ANTXRL: variants seen among roughly 807,000 people sequenced by gnomAD.
ANTXRL encodes the protein ANTXR like.
ANTXRL carries 63 observed loss-of-function variants against 75.4 expected under a neutral mutation model. The ratio of observed to expected loss-of-function variants is 0.84; its 90% CI spans 0.68 to 1.03. The LOEUF (loss-of-function observed/expected upper bound fraction) is 1.03, where lower values mean the gene tolerates loss of function less well. Ranked by LOEUF, ANTXRL falls within the 50% of genes least tolerant of loss-of-function variation. The probability of loss-of-function intolerance (pLI) is 0.00; values close to 1 mark genes in which losing one functional copy is unlikely to be tolerated. For synonymous variants in ANTXRL, 335 were observed against 291.3 expected, an observed-to-expected ratio of 1.15 and a Z score of -1.53; for missense variants, 797 against 789.4, an observed-to-expected ratio of 1.01 and a Z score of -0.12.
At chr10:46,309,087 C>A in intron 12 of ANTXRL, 26 bp from the exon 13 acceptor site, 1 of 1,535,536 alleles carries the variant, frequency 6.5e-7, no homozygotes, top group Non-Finnish European at 8.7e-7. Flanking sequence ...CCGAGGCCCT[C>A]CTATGGTGCT....
chr10:46,296,142 C>T (rs1285466900), intron 4 of ANTXRL, 42 bp downstream of exon 4: 2 of 1,534,488 alleles, frequency 1.3e-6, no homozygotes, highest in Admixed American at 3.9e-5. Flanking sequence ...CTAACCCTAA[C>T]CCTAACCTAC....
chr10:46,289,360 C>T (rs145844012), intron 1 of ANTXRL, among the ~76,000 whole-genome samples: 8 of 152,252 alleles, frequency 5.3e-5, no homozygotes, highest in Non-Finnish European at 1.0e-4. Context: ...TACAATTCAG[C>T]GGCATTAAGT....
Position 46,306,706 on chromosome 10 carries a change from G to T in ANTXRL, c.896-97G>T. ...AAGGCAGAGCCCACATGCCGGTCCT[G>T]GGCCACAGGGTCAGCCCTGCATGCT... is the stretch of plus-strand genomic sequence containing the variant. On this transcript the variant is annotated intron_variant, in intron 10 of 16. Coordinates refer to ENST00000620264, the MANE Select transcript of ANTXRL (RefSeq NM_001278688.3). The T allele has an allele frequency of 5.5e-6, 6 of 1,095,056 alleles. 1 individual carries two copies. The South Asian group carries it at 6.8e-5, about 12-fold the overall frequency. 67.8% of individuals were successfully genotyped at this position (1,095,056 alleles called of 1,614,324 possible).
chr10:46,294,861 A>G (rs1464211728), intron 3 of ANTXRL, among the ~76,000 whole-genome samples: 3 of 95,788 alleles, frequency 3.1e-5, no homozygotes, highest in African/African-American at 6.5e-5. Flanking sequence ...AGCTCCGGCC[A>G]TGGCAGGGAC....
intron 13 of ANTXRL, 26 bp from the exon 14 acceptor site, chr10:46,310,433 CTG>C (rs1198066530): frequency 6.5e-6 from 10 of 1,535,730 alleles, no homozygotes; most frequent in Non-Finnish European, 7.9e-6. Context: ...CCCATCCAGC[CTG>C]TGTTTGTCTC....
chr10:46,316,628 A>G (rs545657004), intron 16 of ANTXRL, among the ~76,000 whole-genome samples: 1 of 152,264 alleles, frequency 6.6e-6, no homozygotes, highest in East Asian at 1.9e-4. Flanking sequence ...GGGGAGGCTC[A>G]TGTCTGAGTC....
At chr10:46,294,904 G>A (rs1435903783) in intron 3 of ANTXRL, among the ~76,000 whole-genome samples, 1 of 152,092 alleles carries the variant, frequency 6.6e-6, no homozygotes, top group Non-Finnish European at 1.5e-5. Context: ...ATCCTTCAGG[G>A]TCCATGCTCT....
chr10:46,293,520 T>C (rs111482465), intron 2 of ANTXRL, among the ~76,000 whole-genome samples: 6,788 of 147,276 alleles, frequency 0.046, 521 homozygotes, highest in African/African-American at 0.16. Flanking sequence ...TGTGTGTGTG[T>C]GCCTCTGTGT....
intron 16 of ANTXRL, among the ~76,000 whole-genome samples, chr10:46,319,929 C>T (rs1838901870): frequency 6.6e-6 from 1 of 152,152 alleles, no homozygotes; most frequent in Non-Finnish European, 1.5e-5. Context: ...GTAACATTCA[C>T]TTGTGTTCAA....
intron 12 of ANTXRL, among the ~76,000 whole-genome samples, chr10:46,307,976 G>A (rs571275818): frequency 3.9e-5 from 6 of 152,224 alleles, no homozygotes; most frequent in African/African-American, 9.6e-5. Flanking sequence ...TCAGGCACTC[G>A]GACCCGAGCT....
At chr10:46,297,801 G>T in intron 7 of ANTXRL, 30 bp from the exon 8 acceptor site, 1 of 1,525,830 alleles carries the variant, frequency 6.6e-7, no homozygotes, top group South Asian at 1.2e-5. Context: ...CCTCCTGGTG[G>T]GGAGTCCAAC....
intron 16 of ANTXRL, among the ~76,000 whole-genome samples, chr10:46,318,210 G>A (rs564631656): frequency 1.3e-5 from 2 of 152,096 alleles, no homozygotes; most frequent in Non-Finnish European, 2.9e-5. Flanking sequence ...TTACTGGAAT[G>A]TTTTGCAATA....
chr10:46,313,735 CA>C (rs1411449277), intron 16 of ANTXRL, among the ~76,000 whole-genome samples: 1 of 152,124 alleles, frequency 6.6e-6, no homozygotes, highest in Non-Finnish European at 1.5e-5. Flanking sequence ...TCCCATGGGC[CA>C]TTTGTTAGGC....
At chr10:46,329,011 A>G (rs1554966982) in intron 16 of ANTXRL, among the ~76,000 whole-genome samples, 3 of 152,214 alleles carry the variant, frequency 2.0e-5, no homozygotes, top group Admixed American at 1.3e-4. Context: ...ACAGATGAAC[A>G]CAAAGACAAT....
intron 16 of ANTXRL, among the ~76,000 whole-genome samples, chr10:46,324,337 C>A (rs1188354890): frequency 2.6e-5 from 4 of 152,152 alleles, no homozygotes; most frequent in Admixed American, 2.0e-4. Context: ...CTAAAGAAGG[C>A]TGAGCAGAGG....
intron 9 of ANTXRL, among the ~76,000 whole-genome samples, chr10:46,299,632 T>TG (rs1837597127): frequency 6.6e-6 from 1 of 152,148 alleles, no homozygotes; most frequent in East Asian, 1.9e-4. Flanking sequence ...CAGGGTGTCC[T>TG]GGCGGTAGGC....
rs1328384704 is a variant in ANTXRL, at chr10:46,330,049, C to G, written c.1861C>G (p.Pro621Ala). The change falls in exon 17 of 17, where the codon CCT (proline) becomes GCT (alanine). Residue 621 changes from proline to alanine, a missense_variant. By Grantham distance (27) the Pro-to-Ala change is conservative (BLOSUM62 -1). Coordinates refer to ENST00000620264, the MANE Select transcript of ANTXRL (RefSeq NM_001278688.3). ...ACTGCTCAGGCACACGGCAGAACCC[C>G]CTTTGTCACTCCCCCCCTCAGAGCC... ...SPLLRHTAEP[P>A]LSLPPSEPNF 6.5e-5 allele frequency: 99 copies of G among 1,519,098 alleles called. No individual in the cohort carries two copies. The highest frequency in any genetic ancestry group is 8.6e-5 in the Non-Finnish European group (97 of 1,133,802). The allele number at this position is 1,519,098 out of a possible 1,614,324, so 94.1% of individuals were successfully genotyped here.
chr10:46,323,572 A>T (rs1839077994), intron 16 of ANTXRL, among the ~76,000 whole-genome samples: 1 of 152,148 alleles, frequency 6.6e-6, no homozygotes, highest in Non-Finnish European at 1.5e-5. Flanking sequence ...TCATTCCCTA[A>T]AACAAGCTCG....
intron 1 of ANTXRL, among the ~76,000 whole-genome samples, chr10:46,290,070 G>A (rs1836921193): frequency 1.1e-5 from 1 of 91,816 alleles, no homozygotes; most frequent in Non-Finnish European, 2.3e-5. Context: ...TTTTGAGTTG[G>A]AGTATTCTGC....
Sources: allele counts gnomAD v4.1 joint callset (sites outside exome capture counted in the v4.1 genomes callset), GRCh38; gene constraint gnomAD v4.1.1; transcripts MANE v1.5; gene names NCBI Gene and HGNC (gene_info 2026-07-23, HGNC 2026-07-21).